The following ZPLD1 variants were observed in gnomAD, a reference collection of about 807,000 sequenced individuals.
ZPLD1 encodes zona pellucida like domain containing 1, also known as zona pellucida-like domain-containing protein 1.
ZPLD1 carries 34 observed loss-of-function variants against 47.2 expected under a neutral mutation model. The observed-to-expected ratio is 0.72, with a 90% CI of 0.55 to 0.96. The LOEUF (loss-of-function observed/expected upper bound fraction) is 0.96. Among genes scored for constraint, ZPLD1 ranks in the 40% least tolerant of loss-of-function variants. The pLI is 0.00. For synonymous variants in ZPLD1, 176 were observed against 186.2 expected (o/e 0.95, Z 0.45); for missense variants, 512 against 505.8 (o/e 1.01, Z -0.12).
intron 3 of ZPLD1, among the ~76,000 whole-genome samples, chr3:102,444,707 T>G (rs1309873050): frequency 6.6e-6 from 1 of 152,184 alleles, no homozygotes; most frequent in Non-Finnish European, 1.5e-5. Flanking sequence ...ATGTAAATTA[T>G]TTTCAGGTGA....
At chr3:102,448,004 A>C (rs2107330455) in intron 3 of ZPLD1, among the ~76,000 whole-genome samples, 1 of 152,316 alleles carries the variant, frequency 6.6e-6, no homozygotes, top group Non-Finnish European at 1.5e-5. Flanking sequence ...CAGATGGCTG[A>C]TAATGTGACA....
chr3:102,449,213 C>T (rs77571450), intron 3 of ZPLD1, among the ~76,000 whole-genome samples: 9,383 of 152,230 alleles, frequency 0.062, 876 homozygotes, highest in African/African-American at 0.2. Context: ...CCTACTGATA[C>T]TTCAAGACTG....
At chr3:102,391,712 T>C (rs531868601) in intron 6 of ZPLD1, among the ~76,000 whole-genome samples, 1 of 152,226 alleles carries the variant, frequency 6.6e-6, no homozygotes, top group African/African-American at 2.4e-5. Flanking sequence ...AGCAGTCAGA[T>C]ATCCCCACTG....
intron 6 of ZPLD1, among the ~76,000 whole-genome samples, chr3:102,388,565 A>AATT (rs1282882458): frequency 6.6e-6 from 1 of 151,074 alleles, no homozygotes; most frequent in Non-Finnish European, 1.5e-5. Flanking sequence ...CTACTCCCTA[A>AATT]ATTATGTCAG....
In ZPLD1 at chr3:102,388,455, C is replaced by CTGTG. The variant is rs55700835; in HGVS notation, c.-213+3164_-213+3167dup. Among the ~76,000 whole-genome samples the CTGTG allele has an allele frequency of 3.4e-3, 454 of 135,482 alleles. 3 individuals carry two copies. The highest frequency in any genetic ancestry group is 0.013 in the East Asian group (64 of 4,892). The allele number at this position is 135,482 out of a possible 152,430, so 88.9% of individuals were successfully genotyped here. A position where few individuals can be genotyped will look rare whatever the true frequency, so the allele number is the denominator to read the frequency against. The stretch of plus-strand genomic sequence containing the variant: ...TCTCTCTCTCTCTCTCTCTCTCTGT[C>CTGTG]TGTGTGTGTGTGTGTGTGTGTGTGT... On this transcript the variant is annotated intron_variant, in intron 6 of 17. Coordinates refer to the ZPLD1 transcript ENST00000491959.
chr3:102,439,541 T>A (rs1453496616), intron 3 of ZPLD1, among the ~76,000 whole-genome samples: 3 of 152,244 alleles, frequency 2.0e-5, no homozygotes, highest in Non-Finnish European at 4.4e-5. Context: ...GGCAGAGTTG[T>A]TAATGGCTTT....
intron 6 of ZPLD1, among the ~76,000 whole-genome samples, chr3:102,460,030 C>T (rs1707482116): frequency 6.6e-6 from 1 of 151,946 alleles, no homozygotes; most frequent in Non-Finnish European, 1.5e-5. Flanking sequence ...TGCCATTTTA[C>T]AGGATTTTTA....
At chr3:102,459,965 A>G (rs1036639043) in intron 6 of ZPLD1, among the ~76,000 whole-genome samples, 2 of 152,140 alleles carry the variant, frequency 1.3e-5, no homozygotes, top group East Asian at 1.9e-4. Flanking sequence ...ATAATACAGA[A>G]GAGTTTCAAT....
chr3:102,406,129 C>A (rs1006566139), intron 7 of ZPLD1, among the ~76,000 whole-genome samples: 2 of 151,912 alleles, frequency 1.3e-5, no homozygotes, highest in Admixed American at 1.3e-4. Flanking sequence ...CAGTTGTACA[C>A]TAAGGATCTC....
chr3:102,478,818 T>C lies in ZPLD1; in HGVS notation c.*1200T>C, dbSNP rs1016785357. The C allele has an allele frequency of 1.3e-5, 2 of 152,212 alleles. No homozygotes were observed. The highest frequency in any genetic ancestry group is 2.9e-5 in the Non-Finnish European group (2 of 68,032). 9.4% of individuals were successfully genotyped at this position (152,212 alleles called of 1,614,324 possible). ...CTCTTTGTTTAAGCTACCTATGCAC[T>C]GAACAAACAAAACAATTTAATAGCC... On this transcript the variant is annotated 3_prime_UTR_variant, in exon 12 of 12. Coordinates refer to ENST00000466937, the MANE Select transcript of ZPLD1 (RefSeq NM_001329788.2).
chr3:102,391,700 G>T (rs1347979201), intron 6 of ZPLD1, among the ~76,000 whole-genome samples: 1 of 152,058 alleles, frequency 6.6e-6, no homozygotes, highest in Non-Finnish European at 1.5e-5. Context: ...ATTTTATGAT[G>T]CAGCAGTCAG....
intron 6 of ZPLD1, among the ~76,000 whole-genome samples, chr3:102,388,199 T>G (rs1706454870): frequency 6.6e-6 from 1 of 152,128 alleles, no homozygotes; most frequent in Non-Finnish European, 1.5e-5. Flanking sequence ...TCTGTCGTGA[T>G]TTTCACATCT....
At chr3:102,451,347 A>G (rs1329615077) in intron 3 of ZPLD1, among the ~76,000 whole-genome samples, 3 of 152,188 alleles carry the variant, frequency 2.0e-5, no homozygotes, top group Admixed American at 6.5e-5. Flanking sequence ...CACCAAAAAT[A>G]TGTGTTATTT....
intron 7 of ZPLD1, among the ~76,000 whole-genome samples, chr3:102,416,670 C>A (rs1227807538): frequency 5.3e-5 from 8 of 151,832 alleles, no homozygotes; most frequent in Non-Finnish European, 1.5e-5. Flanking sequence ...TTTGGGGGTA[C>A]ATGCAATAAT....
chr3:102,416,905 A>G (rs564029266), intron 7 of ZPLD1, among the ~76,000 whole-genome samples: 3 of 152,148 alleles, frequency 2.0e-5, no homozygotes, highest in African/African-American at 7.2e-5. Context: ...AACACTAAAC[A>G]GAAGATAGAA....
chr3:102,401,918 A>G (rs1038866242), intron 7 of ZPLD1, among the ~76,000 whole-genome samples: 6 of 152,066 alleles, frequency 3.9e-5, no homozygotes, highest in Non-Finnish European at 1.5e-5. Context: ...TTAGGTTTCA[A>G]TGGTTAGATC....
chr3:102,456,947 T>C (rs983543473), intron 5 of ZPLD1, among the ~76,000 whole-genome samples: 1 of 152,136 alleles, frequency 6.6e-6, no homozygotes, highest in Non-Finnish European at 1.5e-5. Flanking sequence ...GGACTGAGGG[T>C]GTAGCCTTCT....
At position 102,425,123 on chromosome 3, in the gene ZPLD1, C is replaced by T. The variant is rs1446023388; in HGVS notation, c.-9+6916C>T. On this transcript the variant is annotated intron_variant, in intron 8 of 17. Transcript: ENST00000491959. Reference sequence around the variant, plus strand: ...TTTATATTTTTCAAATACCTAATCTCTGCTCTTCTTCAAGCCTCATTTATA... The same window carrying T: ...TTTATATTTTTCAAATACCTAATCTTTGCTCTTCTTCAAGCCTCATTTATA... Among the ~76,000 whole-genome samples the T allele has an allele frequency of 5.3e-5, 8 of 152,028 alleles. 1 individual carries two copies. The highest frequency in any genetic ancestry group is 1.5e-5 in the Non-Finnish European group (1 of 68,022).
intron 7 of ZPLD1, among the ~76,000 whole-genome samples, chr3:102,394,806 C>T (rs1706538490): frequency 6.6e-6 from 1 of 152,134 alleles, no homozygotes; most frequent in Non-Finnish European, 1.5e-5. Flanking sequence ...CTACAAAGTA[C>T]AATATGGAAA....
Sources: allele counts gnomAD v4.1 joint callset (sites outside exome capture counted in the v4.1 genomes callset), GRCh38; gene constraint gnomAD v4.1.1; transcripts MANE v1.5; gene names NCBI Gene and HGNC (gene_info 2026-07-23, HGNC 2026-07-21).